DLG2: variants seen among roughly 807,000 people sequenced by gnomAD.
DLG2 encodes the protein disks large homolog 2.
Under a neutral mutation model 132.5 loss-of-function variants are expected in DLG2, and 45 were observed. The ratio of observed to expected loss-of-function variants is 0.34; its 90% CI spans 0.27 to 0.44. The LOEUF (loss-of-function observed/expected upper bound fraction) is 0.44. Among genes scored for constraint, DLG2 ranks in the 20% least tolerant of loss-of-function variants. The pLI is 1.00. For missense variants in DLG2, 1,045 were observed against 1,196.9 expected (o/e 0.87, Z 1.87); for synonymous variants, 424 against 419.6 (o/e 1.01, Z -0.13).
At chr11:84,359,900 T>C (rs953051093) in intron 7 of DLG2, among the ~76,000 whole-genome samples, 2 of 151,940 alleles carry the variant, frequency 1.3e-5, no homozygotes, top group Admixed American at 1.3e-4. Context: ...ACTCTGATAA[T>C]TTACATTTTA....
At chr11:85,412,768 T>C (rs961569817) in intron 3 of DLG2, among the ~76,000 whole-genome samples, 101 of 118,634 alleles carry the variant, frequency 8.5e-4, no homozygotes, top group African/African-American at 2.9e-3. Flanking sequence ...CACATATATA[T>C]ATATATATAT....
chr11:85,505,793 G>A (rs545510863), intron 3 of DLG2, among the ~76,000 whole-genome samples: 1 of 152,322 alleles, frequency 6.6e-6, no homozygotes, highest in South Asian at 2.1e-4. Flanking sequence ...CAGAAGGAAT[G>A]GTACTAGCTC....
intron 6 of DLG2, among the ~76,000 whole-genome samples, chr11:84,902,778 T>C (rs1379909216): frequency 6.6e-6 from 1 of 152,180 alleles, no homozygotes; most frequent in Non-Finnish European, 1.5e-5. Flanking sequence ...TATTTTCTTC[T>C]CCAGGTCTGT....
chr11:83,936,050 C>A (rs532594511), intron 14 of DLG2, among the ~76,000 whole-genome samples: 1 of 152,154 alleles, frequency 6.6e-6, no homozygotes, highest in Non-Finnish European at 1.5e-5. Flanking sequence ...CTTAGACACT[C>A]GAGCTCACAA....
chr11:84,723,330 T>G (rs148516914), intron 6 of DLG2, among the ~76,000 whole-genome samples: 91 of 152,290 alleles, frequency 6.0e-4, no homozygotes, highest in Admixed American at 1.0e-3. Flanking sequence ...TTTGTGCTAG[T>G]TTAGATTGAT....
chr11:84,634,054 T>C (rs1208853233), intron 6 of DLG2, among the ~76,000 whole-genome samples: 3 of 152,216 alleles, frequency 2.0e-5, no homozygotes, highest in Non-Finnish European at 4.4e-5. Flanking sequence ...AAATGCTCTG[T>C]ACAGCTGCTC....
chr11:83,695,572 C>G (rs1022162106), intron 18 of DLG2, among the ~76,000 whole-genome samples: 1 of 152,042 alleles, frequency 6.6e-6, no homozygotes, highest in Non-Finnish European at 1.5e-5. Flanking sequence ...AACCCTGTCT[C>G]TACTAAAAAT....
intron 3 of DLG2, among the ~76,000 whole-genome samples, chr11:85,410,538 C>G (rs2089220088): frequency 6.6e-6 from 1 of 151,740 alleles, no homozygotes; most frequent in South Asian, 2.1e-4. Flanking sequence ...AATGAATGTA[C>G]AAATTTAAGA....
chr11:85,136,193 C>T (rs1463953269), intron 5 of DLG2, among the ~76,000 whole-genome samples: 1 of 152,150 alleles, frequency 6.6e-6, no homozygotes, highest in African/African-American at 2.4e-5. Context: ...AAGAGCATTG[C>T]TCATATAACT....
chr11:84,820,031 C>A (rs2077502052), intron 6 of DLG2, among the ~76,000 whole-genome samples: 1 of 150,128 alleles, frequency 6.7e-6, no homozygotes, highest in Non-Finnish European at 1.5e-5. Flanking sequence ...CAGAGCAGCC[C>A]CTCATACTAG....
intron 15 of DLG2, among the ~76,000 whole-genome samples, chr11:83,924,950 C>T (rs1402501759): frequency 2.0e-5 from 3 of 151,978 alleles, no homozygotes; most frequent in South Asian, 2.1e-4. Context: ...TAGGTGTGGA[C>T]GGGGCCATTT....
intron 6 of DLG2, among the ~76,000 whole-genome samples, chr11:84,551,814 T>C (rs2154524270): frequency 6.6e-6 from 1 of 152,328 alleles, no homozygotes; most frequent in South Asian, 2.1e-4. Flanking sequence ...CTTCCCTTTA[T>C]CCTTGCTGGG....
intron 11 of DLG2, among the ~76,000 whole-genome samples, chr11:83,999,339 C>T (rs1334796988): frequency 1.3e-5 from 2 of 152,174 alleles, no homozygotes; most frequent in Non-Finnish European, 2.9e-5. Context: ...CACCTACCTG[C>T]ATGTACCACC....
At chr11:83,507,382 G>T (rs1423567340) in intron 21 of DLG2, among the ~76,000 whole-genome samples, 3 of 146,796 alleles carry the variant, frequency 2.0e-5, no homozygotes, top group Non-Finnish European at 4.5e-5. Flanking sequence ...GTTCTCTAGA[G>T]GGACAGAACA....
At chr11:83,632,850 A>G in intron 19 of DLG2, 1 of 211,298 alleles carries the variant, frequency 4.7e-6, no homozygotes, top group Non-Finnish European at 9.6e-6. Context: ...ATACAGGAAT[A>G]TTTTCTTTTC....
At chr11:84,208,305 T>C (rs2096703600) in intron 8 of DLG2, among the ~76,000 whole-genome samples, 1 of 151,960 alleles carries the variant, frequency 6.6e-6, no homozygotes, top group Non-Finnish European at 1.5e-5. Flanking sequence ...ACTGTGTTTC[T>C]GTGGGCCATG....
chr11:85,252,214 T>A (rs2076429590), intron 4 of DLG2, among the ~76,000 whole-genome samples: 1 of 152,222 alleles, frequency 6.6e-6, no homozygotes, highest in Non-Finnish European at 1.5e-5. Flanking sequence ...CTCTGTGATA[T>A]CAGAGTAGGG....
At chr11:83,659,842 T>C (rs1461955642) in intron 18 of DLG2, among the ~76,000 whole-genome samples, 1 of 152,238 alleles carries the variant, frequency 6.6e-6, no homozygotes, top group Non-Finnish European at 1.5e-5. Context: ...TATTGTTATG[T>C]AATTGTTTCT....
intron 6 of DLG2, among the ~76,000 whole-genome samples, chr11:84,547,690 C>T (rs1282591717): frequency 6.6e-6 from 1 of 152,158 alleles, no homozygotes; most frequent in Non-Finnish European, 1.5e-5. Context: ...ATTCTGTGCT[C>T]CCATGTCTGA....
Sources: allele counts gnomAD v4.1 joint callset (sites outside exome capture counted in the v4.1 genomes callset), GRCh38; gene constraint gnomAD v4.1.1; transcripts MANE v1.5; gene names NCBI Gene and HGNC (gene_info 2026-07-23, HGNC 2026-07-21).